PDGFRB: variants seen among roughly 807,000 people sequenced by gnomAD.
The protein encoded by PDGFRB is platelet-derived growth factor receptor beta.
A neutral mutation model predicts 120.2 loss-of-function variants in PDGFRB; 42 were observed. The observed-to-expected ratio is 0.35, with a 90% CI of 0.27 to 0.45. The LOEUF (loss-of-function observed/expected upper bound fraction) is 0.45, where lower values mean the gene tolerates loss of function less well. Ranked by LOEUF, PDGFRB falls within the 20% of genes least tolerant of loss-of-function variation. The pLI, the probability that PDGFRB is intolerant of heterozygous loss-of-function variation, is 1.00. For missense variants in PDGFRB, 1,149 were observed against 1,476.3 expected (o/e 0.78, Z 3.63); for synonymous variants, 586 against 606.8 (o/e 0.97, Z 0.50).
intron 1 of PDGFRB, among the ~76,000 whole-genome samples, chr5:150,138,671 C>T (rs1039831480): frequency 2.6e-5 from 4 of 152,222 alleles, no homozygotes; most frequent in African/African-American, 9.6e-5. Context: ...GCCTCTGCTC[C>T]CCACCATTCC....
At chr5:150,124,485 G>T (rs1760237195) in intron 13 of PDGFRB, 125 bp from the exon 14 acceptor site, 1 of 710,848 alleles carries the variant, frequency 1.4e-6, no homozygotes, top group South Asian at 1.8e-5. Flanking sequence ...CCTGGCGGGG[G>T]TGAGCACCCA....
At position 150,132,518 on chromosome 5, in the gene PDGFRB, A is replaced by C. The variant is rs1760494508; in HGVS notation, c.1127+232T>G. On this transcript the variant is annotated intron_variant, in intron 7 of 22. Coordinates refer to ENST00000261799, the MANE Select transcript of PDGFRB (RefSeq NM_002609.4). This position sits in a 1 kb window ranked among gnomAD's most constrained non-coding sequence, Gnocchi z 5.0. ...TGCTACTGCTGGCCCCACCCATCAC[A>C]AGGACAACTAAACATCTGGGTGATC... 6.6e-6 allele frequency among the ~76,000 whole-genome samples: 1 copy of C among 152,094 alleles called. No individual in the cohort carries two copies. The highest frequency in any genetic ancestry group is 1.5e-5 in the Non-Finnish European group (1 of 68,012).
chr5:150,115,606 G>T lies in PDGFRB; in HGVS notation c.*157C>A. 1.6e-6 allele frequency: 1 copy of T among 632,344 alleles called. No individual in the cohort carries two copies. The highest frequency in any genetic ancestry group is 2.5e-6 in the Non-Finnish European group (1 of 407,450). The allele number at this position is 632,344 out of a possible 1,614,324, so 39.2% of individuals were successfully genotyped here. On this transcript the variant is annotated 3_prime_UTR_variant, in exon 23 of 23. Coordinates refer to ENST00000261799, the MANE Select transcript of PDGFRB (RefSeq NM_002609.4). ...TTTCTTGCCTCCTAAGCCAGCCCCA[G>T]GGTTTGGGGCACAACACGTCAGGAG...
Position 150,121,126 on chromosome 5 carries a change from T to C in PDGFRB, c.2463+78A>G. The C allele has an allele frequency of 7.3e-7, 1 of 1,375,010 alleles. No individual in the cohort carries two copies. The highest frequency in any genetic ancestry group is 1.0e-6 in the Non-Finnish European group (1 of 961,964). 85.2% of individuals were successfully genotyped at this position (1,375,010 alleles called of 1,614,324 possible). A position where few individuals can be genotyped will look rare whatever the true frequency, so the allele number is the denominator to read the frequency against. ...CCATGTGCGAGAGGCCACCCTGGTG[T>C]GCTCTTGGAGGATGCTGGCTGGCTG... On this transcript the variant is annotated intron_variant, in intron 17 of 22. Coordinates refer to ENST00000261799, the MANE Select transcript of PDGFRB (RefSeq NM_002609.4). The surrounding 1 kb of genome is among the most constrained non-coding windows in gnomAD (Gnocchi z 4.1).
Position 150,116,832 on chromosome 5 carries a change from G to A in PDGFRB, c.3137+786C>T, listed in dbSNP as rs551214583. On this transcript the variant is annotated intron_variant, in intron 22 of 22. Transcript: ENST00000261799. Reference sequence around the variant, plus strand: ...ATGAGGGCCTTCGGAGCCTTCTAAGGCCGGTGTGCACTCCTGGCACATATG... The same window carrying A: ...ATGAGGGCCTTCGGAGCCTTCTAAGACCGGTGTGCACTCCTGGCACATATG... 7.2e-5 allele frequency among the ~76,000 whole-genome samples: 11 copies of A among 152,244 alleles called. 1 individual carries two copies. In the South Asian group the frequency reaches 2.3e-3, roughly 32 times the overall value.
At chr5:150,149,698 T>G (rs1218053615) in intron 1 of PDGFRB, among the ~76,000 whole-genome samples, 1 of 152,190 alleles carries the variant, frequency 6.6e-6, no homozygotes, top group Non-Finnish European at 1.5e-5. Context: ...TTACCTTCAA[T>G]GCTCTGGGCC....
Position 150,115,773 on chromosome 5 carries a change from C to G in PDGFRB, c.3311G>C (p.Ser1104Thr). ...CPAPRAEAEDSFL is the reference protein window; with the variant it reads ...CPAPRAEAEDTFL ...GTAGGGGCCAGCCCCCTACAGGAAG[C>G]TATCCTCTGCTTCCGCCCGAGGCGC... Residue 1104 changes from serine (S) to threonine (T), a missense_variant, in exon 23 of 23, where the codon AGC becomes ACC. Coordinates refer to ENST00000261799, the MANE Select transcript of PDGFRB (RefSeq NM_002609.4). 6.2e-7 allele frequency: 1 copy of G among 1,605,066 alleles called. No homozygotes were observed. The highest frequency in any genetic ancestry group is 8.5e-7 in the Non-Finnish European group (1 of 1,175,724).
Position 150,155,377 on chromosome 5 carries a change from C to T in PDGFRB, c.-7+20G>A, listed in dbSNP as rs1761203539. The T allele has an allele frequency of 5.4e-6, 2 of 371,210 alleles. No individual in the cohort carries two copies. The highest frequency in any genetic ancestry group is 9.5e-6 in the Non-Finnish European group (2 of 211,128). The allele number at this position is 371,210 out of a possible 1,614,324, so 23.0% of individuals were successfully genotyped here. On this transcript the variant is annotated intron_variant, in intron 1 of 22. Transcript: ENST00000261799. ...GGGACAGGGCATGGGGCTGGGGTTC[C>T]CACTTTTTCCAGCACTTACCTTGCT...
At chr5:150,129,539 C>A (rs1473021825) in intron 10 of PDGFRB, among the ~76,000 whole-genome samples, 1 of 152,208 alleles carries the variant, frequency 6.6e-6, no homozygotes, top group Non-Finnish European at 1.5e-5. Flanking sequence ...TATTCATATC[C>A]ATGGCTTACA....
At chr5:150,149,532 C>A (rs1051580439) in intron 1 of PDGFRB, among the ~76,000 whole-genome samples, 1 of 152,172 alleles carries the variant, frequency 6.6e-6, no homozygotes, top group Non-Finnish European at 1.5e-5. Flanking sequence ...CATCCACCCA[C>A]CCACCAATCC....
intron 15 of PDGFRB, among the ~76,000 whole-genome samples, chr5:150,122,565 T>C (rs541346672): frequency 4.6e-5 from 7 of 152,380 alleles, no homozygotes; most frequent in Admixed American, 1.3e-4. Context: ...TTTTACGCTT[T>C]TCTGAAGCTA....
intron 15 of PDGFRB, 78 bp from the exon 16 acceptor site, chr5:150,122,118 T>C (rs56077359): frequency 7.7e-5 from 84 of 1,095,574 alleles, no homozygotes; most frequent in Admixed American, 6.4e-4. Flanking sequence ...CACTCATGAA[T>C]TTCTTCTCTC....
Position 150,121,783 on chromosome 5 carries a change from C to A in PDGFRB, c.2344+97G>T. On this transcript the variant is annotated intron_variant, in intron 16 of 22. Transcript: ENST00000261799. The surrounding 1 kb of genome is among the most constrained non-coding windows in gnomAD (Gnocchi z 4.1). ...AATTTCTACATCTATGAAATGGGCA[C>A]GAGGCTCCCTTCTTCTCAGGGTTTT... 2.1e-6 allele frequency: 2 copies of A among 953,606 alleles called. No homozygotes were observed. Among genetic ancestry groups the A allele is most frequent in the Non-Finnish European group, 3.3e-6 (2 of 608,958 alleles). 59.1% of individuals were successfully genotyped at this position (953,606 alleles called of 1,614,324 possible).
At chr5:150,125,610 A>T in intron 11 of PDGFRB, 33 bp from the exon 12 acceptor site, 1 of 1,610,988 alleles carries the variant, frequency 6.2e-7, no homozygotes, top group Non-Finnish European at 8.5e-7. Flanking sequence ...TAGTTATCAG[A>T]GGGAGTCTCA....
chr5:150,122,095 T>C, intron 15 of PDGFRB, 55 bp from the exon 16 acceptor site: 2 of 1,391,552 alleles, frequency 1.4e-6, no homozygotes, highest in Non-Finnish European at 2.0e-6. Flanking sequence ...TCCCCTCCCC[T>C]CCTGCCCCTT....
chr5:150,132,320 G>A lies in PDGFRB; in HGVS notation c.1128-226C>T, dbSNP rs1251987439. On this transcript the variant is annotated intron_variant, in intron 7 of 22. Transcript: ENST00000261799. This position sits in a 1 kb window ranked among gnomAD's most constrained non-coding sequence, Gnocchi z 5.0. ...GAGATGAACTGTGGGTGGGGGTGGG[G>A]AGCATTGAAGGAAAGTCCTATTTCT... Among the ~76,000 whole-genome samples, 1 of 152,158 alleles carries A rather than the reference G, an allele frequency of 6.6e-6. No homozygotes were observed. The highest frequency in any genetic ancestry group is 1.5e-5 in the Non-Finnish European group (1 of 68,018).
At position 150,124,376 on chromosome 5, in the gene PDGFRB, G is replaced by T. The variant is rs745989450; in HGVS notation, c.1913-16C>A. 6.2e-7 allele frequency: 1 copy of T among 1,600,838 alleles called. No homozygotes were observed. Among genetic ancestry groups the T allele is most frequent in the Non-Finnish European group, 8.6e-7 (1 of 1,167,976 alleles). The stretch of plus-strand genomic sequence containing the variant: ...CGGGCTGTGGCTGAGGAAAATGGGG[G>T]CCCCAGGCCAGGCCCAGTCATGGAG... On this transcript the variant is annotated splice_polypyrimidine_tract_variant and intron_variant, in intron 13 of 22. Coordinates refer to ENST00000261799, the MANE Select transcript of PDGFRB (RefSeq NM_002609.4).
chr5:150,135,398 G>A (rs550792467), intron 3 of PDGFRB, among the ~76,000 whole-genome samples, 157 bp downstream of exon 3: 2 of 152,216 alleles, frequency 1.3e-5, no homozygotes, highest in East Asian at 1.9e-4. Flanking sequence ...GAGTGGGTGC[G>A]AACACACTCC....
chr5:150,155,264 T>G (rs1402203144), intron 1 of PDGFRB, 133 bp downstream of exon 1: 1 of 219,208 alleles, frequency 4.6e-6, no homozygotes. Flanking sequence ...TCTCCCAGCC[T>G]CCTCTCATCT....
Sources: gnomAD v4.1 joint callset for allele counts (sites outside exome capture counted in the v4.1 genomes callset) on GRCh38, gnomAD v4.1.1 for gene constraint, Gnocchi (gnomAD v3.1) non-coding constraint, MANE v1.5 for transcripts, NCBI Gene and HGNC (gene_info 2026-07-23, HGNC 2026-07-21) for gene names.